FAM13B: variants seen among roughly 807,000 people sequenced by gnomAD.
FAM13B encodes family with sequence similarity 13 member B, also known as protein FAM13B.
FAM13B carries 60 observed loss-of-function variants against 117.3 expected under a neutral mutation model. The observed-to-expected ratio is 0.51, with a 90% CI of 0.42 to 0.63. The LOEUF (loss-of-function observed/expected upper bound fraction) is 0.63, where lower values mean the gene tolerates loss of function less well. Ranked by LOEUF, FAM13B falls within the 30% of genes least tolerant of loss-of-function variation. The probability of loss-of-function intolerance (pLI) is 0.00; values close to 1 mark genes in which losing one functional copy is unlikely to be tolerated. For missense variants in FAM13B, 972 were observed against 1,091.9 expected (o/e 0.89, Z 1.55); for synonymous variants, 332 against 356.1 (o/e 0.93, Z 0.76).
intron 1 of FAM13B, among the ~76,000 whole-genome samples, chr5:138,028,684 A>C (rs1445413767): frequency 6.6e-6 from 1 of 152,174 alleles, no homozygotes; most frequent in East Asian, 1.9e-4. Flanking sequence ...GGAATTCAAG[A>C]CCAGCCTGGC....
intron 13 of FAM13B, among the ~76,000 whole-genome samples, chr5:137,957,903 C>T (rs1767049515): frequency 6.6e-6 from 1 of 152,218 alleles, no homozygotes; most frequent in South Asian, 2.1e-4. Context: ...ATCAGGTTCT[C>T]TTTCAGGGAG....
intron 14 of FAM13B, 139 bp from the exon 15 acceptor site, chr5:137,954,515 C>CAT: frequency 2.1e-6 from 1 of 481,956 alleles, no homozygotes; most frequent in Non-Finnish European, 3.5e-6. Context: ...TACACACACA[C>CAT]ACACACACAT....
chr5:137,985,105 T>G, intron 10 of FAM13B, 152 bp downstream of exon 10: 2 of 823,684 alleles, frequency 2.4e-6, no homozygotes, highest in Non-Finnish European at 3.7e-6. Context: ...CAGTGATGTT[T>G]CCTAAACTCT....
intron 1 of FAM13B, among the ~76,000 whole-genome samples, chr5:138,043,442 CTT>C (rs562460878): frequency 1.3e-4 from 18 of 138,416 alleles, no homozygotes; most frequent in Admixed American, 2.9e-4. Context: ...TTCTTTCTTT[CTT>C]TTTTTTTTTT....
intron 3 of FAM13B, 111 bp downstream of exon 3, chr5:138,018,844 T>A (rs1300329175): frequency 1.2e-6 from 1 of 818,424 alleles, no homozygotes; most frequent in Non-Finnish European, 1.9e-6. Context: ...TAGTTTTTCC[T>A]ATGTTTTGGA....
At chr5:137,943,723 C>T (rs539182560) in intron 20 of FAM13B, among the ~76,000 whole-genome samples, 34 of 151,440 alleles carry the variant, frequency 2.2e-4, no homozygotes, top group Non-Finnish European at 3.8e-4. Context: ...CCAGCCTGGG[C>T]AACAGACCAA....
At chr5:138,009,765 A>C (rs1783489901) in intron 6 of FAM13B, among the ~76,000 whole-genome samples, 1 of 126,174 alleles carries the variant, frequency 7.9e-6, no homozygotes, top group African/African-American at 2.9e-5. Context: ...AGATCACACC[A>C]TTGCACTCCA....
intron 4 of FAM13B, among the ~76,000 whole-genome samples, chr5:138,014,710 C>T (rs1007866920): frequency 6.6e-6 from 1 of 152,182 alleles, no homozygotes; most frequent in Non-Finnish European, 1.5e-5. Context: ...AGGTGGTAAG[C>T]TTGTGGGCAA....
intron 10 of FAM13B, among the ~76,000 whole-genome samples, chr5:137,981,318 G>A (rs946841326): frequency 3.3e-5 from 5 of 151,926 alleles, no homozygotes; most frequent in African/African-American, 1.2e-4. Flanking sequence ...CATGGTGCCT[G>A]ATGCTTGTAA....
chr5:137,946,936 T>C (rs563733730), intron 18 of FAM13B, among the ~76,000 whole-genome samples: 1 of 152,346 alleles, frequency 6.6e-6, no homozygotes, highest in African/African-American at 2.4e-5. Flanking sequence ...ATTACCTCCA[T>C]TTCCCTTCAT....
chr5:137,980,187 A>AAG (rs1284259285), intron 10 of FAM13B, among the ~76,000 whole-genome samples: 4 of 151,612 alleles, frequency 2.6e-5, no homozygotes, highest in Admixed American at 6.6e-5. Context: ...AAAAAAAAAA[A>AAG]AAAGAAAGAA....
chr5:137,998,582 ACT>A (rs746620311), intron 7 of FAM13B, among the ~76,000 whole-genome samples: 5 of 152,274 alleles, frequency 3.3e-5, no homozygotes, highest in South Asian at 4.1e-4. Flanking sequence ...AACGACTAAG[ACT>A]CTAAGAAAAA....
chr5:137,967,419 G>A (rs76281241), intron 10 of FAM13B, among the ~76,000 whole-genome samples: 1 of 152,134 alleles, frequency 6.6e-6, no homozygotes, highest in African/African-American at 2.4e-5. Flanking sequence ...AGCTACTCGG[G>A]AGGCTGAGGC....
chr5:138,025,277 A>G (rs1332818330), intron 1 of FAM13B, among the ~76,000 whole-genome samples: 1 of 144,462 alleles, frequency 6.9e-6, no homozygotes, highest in East Asian at 2.0e-4. Flanking sequence ...AACAGTGATT[A>G]CAAACAAAGC....
At chr5:138,048,405 G>A (rs1791700947) in intron 1 of FAM13B, among the ~76,000 whole-genome samples, 1 of 152,156 alleles carries the variant, frequency 6.6e-6, no homozygotes, top group African/African-American at 2.4e-5. Flanking sequence ...GAACTTATAG[G>A]TGTGACCCCG....
intron 7 of FAM13B, among the ~76,000 whole-genome samples, chr5:138,004,167 G>A (rs1368436049): frequency 6.6e-6 from 1 of 152,068 alleles, no homozygotes; most frequent in Non-Finnish European, 1.5e-5. Context: ...TAATCGGGAG[G>A]CTGAGGCCAG....
At chr5:137,977,078 C>T (rs1344428217) in intron 10 of FAM13B, among the ~76,000 whole-genome samples, 1 of 152,130 alleles carries the variant, frequency 6.6e-6, no homozygotes, top group African/African-American at 2.4e-5. Context: ...GAATGCACCC[C>T]TGAGGGTAGG....
intron 10 of FAM13B, among the ~76,000 whole-genome samples, chr5:137,980,993 G>T (rs916684644): frequency 9.4e-5 from 14 of 148,590 alleles, no homozygotes; most frequent in African/African-American, 3.5e-4. Flanking sequence ...ACGCACTGCA[G>T]CCTTACCTCC....
rs775138302 is a variant in FAM13B, at chr5:138,011,896, T to C, written c.420A>G (p.Gln140=). ...EFGRKLRFLL[Q]QLPPVNYSLL... is the part of the protein sequence containing the mutation. ...AACTATAATTAACAGGTGGAAGCTG[T>C]TGCAAGAGGAACCTCAACTTTCTTC... The change falls in exon 5 of 24, where the codon CAA becomes CAG. Residue 140 remains glutamine, a synonymous_variant. Coordinates refer to ENST00000689681, the MANE Select transcript of FAM13B (RefSeq NM_001385994.1). The C allele has an allele frequency of 1.3e-6, 2 of 1,599,408 alleles. No homozygotes were observed. The highest frequency in any genetic ancestry group is 2.3e-5 in the South Asian group (2 of 87,684).
Sources: gnomAD v4.1 joint callset for allele counts (sites outside exome capture counted in the v4.1 genomes callset) on GRCh38, gnomAD v4.1.1 for gene constraint, MANE v1.5 for transcripts, NCBI Gene and HGNC (gene_info 2026-07-23, HGNC 2026-07-21) for gene names.